SSBP3: variants seen among roughly 807,000 people sequenced by gnomAD.
SSBP3 encodes the protein single-stranded DNA-binding protein 3.
Under a neutral mutation model 69.6 loss-of-function variants are expected in SSBP3, and 5 were observed. The observed-to-expected ratio is 0.07, with a 90% CI of 0.04 to 0.15. The LOEUF is 0.15. Ranked by LOEUF, SSBP3 falls within the 10% of genes least tolerant of loss-of-function variation. SSBP3 has a pLI of 1.00. For missense variants in SSBP3, 312 were observed against 534.0 expected (o/e 0.58, Z 4.10); for synonymous variants, 196 against 193.4 (o/e 1.01, Z -0.11).
intron 11 of SSBP3, among the ~76,000 whole-genome samples, chr1:54,241,727 G>A (rs1177927484): frequency 1.3e-5 from 2 of 152,218 alleles, no homozygotes; most frequent in Non-Finnish European, 2.9e-5. Context: ...TTACTCCCCA[G>A]TCCTGGGAGG....
chr1:54,286,748 G>A (rs568469739), intron 4 of SSBP3: 2 of 152,354 alleles, frequency 1.3e-5, no homozygotes, highest in South Asian at 4.1e-4. Context: ...GGGCCTCAGA[G>A]CGGTGCTTCC....
At chr1:54,300,917 G>A (rs1439816315) in intron 4 of SSBP3, among the ~76,000 whole-genome samples, 4 of 152,206 alleles carry the variant, frequency 2.6e-5, no homozygotes, top group African/African-American at 9.7e-5. Flanking sequence ...AACCCCATCA[G>A]GAAATCCACT....
intron 9 of SSBP3, among the ~76,000 whole-genome samples, chr1:54,246,707 C>T (rs1468869393): frequency 2.0e-5 from 3 of 152,218 alleles, no homozygotes; most frequent in African/African-American, 7.2e-5. Flanking sequence ...AGGCACAGAC[C>T]CTGGAGAGCC....
chr1:54,391,873 C>T (rs1451650156), intron 4 of SSBP3, among the ~76,000 whole-genome samples: 1 of 152,124 alleles, frequency 6.6e-6, no homozygotes, highest in Non-Finnish European at 1.5e-5. Context: ...GGGCAAGGAA[C>T]CCCCTCCACC....
chr1:54,311,480 G>A (rs1646000626), intron 4 of SSBP3, among the ~76,000 whole-genome samples: 1 of 152,166 alleles, frequency 6.6e-6, no homozygotes, highest in Non-Finnish European at 1.5e-5. Flanking sequence ...GGCTCCTCCA[G>A]GGACAATGGA....
At chr1:54,367,228 C>T (rs938259899) in intron 4 of SSBP3, among the ~76,000 whole-genome samples, 1 of 152,104 alleles carries the variant, frequency 6.6e-6, no homozygotes, top group East Asian at 1.9e-4. Flanking sequence ...GGGAGAATGC[C>T]ACCAATCGCT....
At chr1:54,268,037 CCTT>C (rs1209969547) in intron 5 of SSBP3, among the ~76,000 whole-genome samples, 3 of 152,244 alleles carry the variant, frequency 2.0e-5, no homozygotes, top group Non-Finnish European at 4.4e-5. Context: ...CATCTCCCAG[CCTT>C]CTTTAATGCT....
chr1:54,324,527 C>T (rs913067470), intron 4 of SSBP3, among the ~76,000 whole-genome samples: 32 of 152,076 alleles, frequency 2.1e-4, no homozygotes, highest in African/African-American at 7.5e-4. Flanking sequence ...GACACTCCCT[C>T]GAAAGCCTGG....
At chr1:54,380,161 G>A (rs1178289803) in intron 4 of SSBP3, among the ~76,000 whole-genome samples, 1 of 152,176 alleles carries the variant, frequency 6.6e-6, no homozygotes, top group Admixed American at 6.5e-5. Flanking sequence ...TGGCGGCCTC[G>A]GCTCCCACAC....
At chr1:54,290,327 C>T (rs993889799) in intron 4 of SSBP3, among the ~76,000 whole-genome samples, 1 of 152,184 alleles carries the variant, frequency 6.6e-6, no homozygotes, top group Non-Finnish European at 1.5e-5. Context: ...AGGTAAGGTG[C>T]CCAGCCAGAC....
chr1:54,262,101 C>T (rs531624404), intron 5 of SSBP3, among the ~76,000 whole-genome samples: 32 of 152,252 alleles, frequency 2.1e-4, no homozygotes, highest in South Asian at 1.5e-3. Context: ...GAACTGGGTT[C>T]GAATCCTGGC....
chr1:54,280,741 G>GGCGCAGAGAGGGTT (rs79965167), intron 5 of SSBP3, among the ~76,000 whole-genome samples: 6 of 152,100 alleles, frequency 3.9e-5, no homozygotes, highest in Non-Finnish European at 7.4e-5. Context: ...CAGAGAGGGT[G>GGCGCAGAGAGGGTT]GCAGCCGCGC....
intron 4 of SSBP3, among the ~76,000 whole-genome samples, chr1:54,318,714 T>C (rs1290024610): frequency 3.9e-5 from 6 of 152,114 alleles, no homozygotes; most frequent in Non-Finnish European, 8.8e-5. Flanking sequence ...ATGCAGGAAG[T>C]GGCATCACCT....
chr1:54,266,609 A>G (rs575183531), intron 5 of SSBP3, among the ~76,000 whole-genome samples: 1 of 152,376 alleles, frequency 6.6e-6, no homozygotes, highest in Admixed American at 6.5e-5. Flanking sequence ...AAGGAAAAAC[A>G]AAACAGTGCT....
chr1:54,330,137 A>G (rs1309206962), intron 4 of SSBP3, among the ~76,000 whole-genome samples: 1 of 152,114 alleles, frequency 6.6e-6, no homozygotes, highest in East Asian at 1.9e-4. Flanking sequence ...TCCCCCGCAC[A>G]GGCAGCCCCC....
chr1:54,377,670 C>G (rs1647293038), intron 4 of SSBP3, among the ~76,000 whole-genome samples: 1 of 152,154 alleles, frequency 6.6e-6, no homozygotes, highest in African/African-American at 2.4e-5. Context: ...ATTCCTGTGG[C>G]TTGGGACAAA....
intron 10 of SSBP3, 95 bp downstream of exon 10, chr1:54,243,140 A>T: frequency 9.1e-7 from 1 of 1,104,154 alleles, no homozygotes; most frequent in Middle Eastern, 2.6e-4. Flanking sequence ...GAGAGGTACC[A>T]GCAATGACCC....
At chr1:54,397,529 T>A (rs1269246347) in intron 4 of SSBP3, among the ~76,000 whole-genome samples, 2 of 151,940 alleles carry the variant, frequency 1.3e-5, no homozygotes, top group Non-Finnish European at 2.9e-5. Context: ...AGCAGTCTTG[T>A]TGGGGTGGGA....
intron 4 of SSBP3, among the ~76,000 whole-genome samples, chr1:54,374,807 G>A (rs990721679): frequency 2.6e-5 from 4 of 152,186 alleles, no homozygotes; most frequent in Admixed American, 2.0e-4. Flanking sequence ...GGCTATCAAC[G>A]TGAGCTAACT....
Sources: allele counts gnomAD v4.1 joint callset (sites outside exome capture counted in the v4.1 genomes callset), GRCh38; gene constraint gnomAD v4.1.1; transcripts MANE v1.5; gene names NCBI Gene and HGNC (gene_info 2026-07-23, HGNC 2026-07-21).